The following SLC35F4 variants were observed in gnomAD, a reference collection of about 807,000 sequenced individuals.
The protein encoded by SLC35F4 is chromosome 14 open reading frame 36.
In SLC35F4, 24 loss-of-function variants were observed where a neutral mutation model predicts 44.2. The ratio of observed to expected loss-of-function variants is 0.54; its 90% CI spans 0.39 to 0.76. SLC35F4 has a LOEUF of 0.76. Among genes scored for constraint, SLC35F4 ranks in the 30% least tolerant of loss-of-function variants. The probability of loss-of-function intolerance (pLI) is 0.00; values close to 1 mark genes in which losing one functional copy is unlikely to be tolerated. For synonymous variants in SLC35F4, 238 were observed against 223.6 expected, an observed-to-expected ratio of 1.06 and a Z score of -0.57; for missense variants, 562 against 586.1, an observed-to-expected ratio of 0.96 and a Z score of 0.42.
At position 57,807,689 on chromosome 14, in the gene SLC35F4, A is replaced by T. The variant is rs904549968; in HGVS notation, c.103+58034T>A. On this transcript the variant is annotated intron_variant, in intron 1 of 7. Coordinates refer to ENST00000556826, the MANE Select transcript of SLC35F4 (RefSeq NM_001306087.2). ...CCACACTTGAAAAATTTGCTTACCA[A>T]CATCACAATTTCTGGCCATATCACT... is the stretch of plus-strand genomic sequence containing the variant. Among the ~76,000 whole-genome samples, 5 of 151,888 alleles carry T rather than the reference A, an allele frequency of 3.3e-5. 1 individual carries two copies. The highest frequency in any genetic ancestry group is 1.2e-4 in the African/African-American group (5 of 41,176).
At chr14:57,982,135 A>G (rs1881400347), upstream of SLC35F4, 1 of 152,118 alleles carries the variant, frequency 6.6e-6, no homozygotes, top group Non-Finnish European at 1.5e-5. Flanking sequence ...ACACGGTCAA[A>G]AGTGGCGCTT....
intron 1 of SLC35F4, among the ~76,000 whole-genome samples, chr14:57,695,963 C>T (rs1342300059): frequency 6.6e-6 from 1 of 151,990 alleles, no homozygotes; most frequent in Non-Finnish European, 1.5e-5. Flanking sequence ...AAATGTAAAA[C>T]CTAAAGCCAG....
At chr14:57,615,479 C>T (rs907632932) in intron 1 of SLC35F4, among the ~76,000 whole-genome samples, 6 of 151,392 alleles carry the variant, frequency 4.0e-5, no homozygotes, top group Admixed American at 2.6e-4. Context: ...TGGCTTTTGC[C>T]AAAGGACATA....
chr14:57,896,763 G>T (rs1460368106), intron 1 of SLC35F4, among the ~76,000 whole-genome samples: 1 of 152,146 alleles, frequency 6.6e-6, no homozygotes, highest in East Asian at 1.9e-4. Flanking sequence ...ACAGTGCCAG[G>T]AATATAGTAA....
At chr14:57,914,251 C>G (rs1459407208) in intron 1 of SLC35F4, among the ~76,000 whole-genome samples, 2 of 152,080 alleles carry the variant, frequency 1.3e-5, no homozygotes, top group Non-Finnish European at 1.5e-5. Context: ...GAAAAGGGGG[C>G]CAAACTTGCT....
intron 6 of SLC35F4, among the ~76,000 whole-genome samples, chr14:57,569,540 T>TG (rs2068378011): frequency 6.6e-6 from 1 of 152,318 alleles, no homozygotes; most frequent in Admixed American, 6.5e-5. Flanking sequence ...TGAAGGCCAG[T>TG]GGTATACAGA....
At chr14:57,619,763 C>T (rs560785536) in intron 1 of SLC35F4, among the ~76,000 whole-genome samples, 2 of 152,194 alleles carry the variant, frequency 1.3e-5, no homozygotes, top group East Asian at 3.9e-4. Flanking sequence ...GGAGCATGTT[C>T]TAATGAAATG....
At chr14:57,722,154 C>T (rs1284961698) in intron 1 of SLC35F4, among the ~76,000 whole-genome samples, 3 of 152,150 alleles carry the variant, frequency 2.0e-5, no homozygotes, top group South Asian at 2.1e-4. Flanking sequence ...GGAAGGAACA[C>T]AGAGTTGGAT....
At chr14:57,795,764 A>C (rs2078039183) in intron 1 of SLC35F4, among the ~76,000 whole-genome samples, 1 of 152,198 alleles carries the variant, frequency 6.6e-6, no homozygotes. Flanking sequence ...CGAATAATTT[A>C]AAAATTAATA....
chr14:57,795,125 G>A (rs2078023932), intron 1 of SLC35F4, among the ~76,000 whole-genome samples: 1 of 152,076 alleles, frequency 6.6e-6, no homozygotes, highest in Non-Finnish European at 1.5e-5. Context: ...CAGATGTTGG[G>A]ACTTTGCATA....
chr14:57,797,827 A>G (rs890975093), intron 1 of SLC35F4, among the ~76,000 whole-genome samples: 2 of 152,168 alleles, frequency 1.3e-5, no homozygotes, highest in African/African-American at 4.8e-5. Context: ...ATATATCTTG[A>G]CAGTATGGGG....
chr14:57,923,107 A>T (rs10132444), intron 1 of SLC35F4, among the ~76,000 whole-genome samples: 5,268 of 152,270 alleles, frequency 0.035, 327 homozygotes, highest in African/African-American at 0.12. Flanking sequence ...CTTGGCCAAG[A>T]TGATGCATCT....
At chr14:57,861,902 T>G (rs900219975) in intron 1 of SLC35F4, among the ~76,000 whole-genome samples, 4 of 152,164 alleles carry the variant, frequency 2.6e-5, no homozygotes, top group African/African-American at 9.7e-5. Context: ...TCTATATGCA[T>G]TCATTCCTTG....
rs967367314 is a variant in SLC35F4, at chr14:57,899,186, C to T, written n.282+82727G>A. Among the ~76,000 whole-genome samples the T allele has an allele frequency of 2.6e-5, 4 of 152,308 alleles. No individual in the cohort carries two copies. The South Asian group carries it at 8.3e-4, about 32-fold the overall frequency. ...CTAGTTATCCTTTTCTCACTGTCTA[C>T]CTGCCATTGCCACGTATTACACGAA... On this transcript the variant is annotated intron_variant and non_coding_transcript_variant, in intron 1 of 1. Transcript: ENST00000556568.
At chr14:57,615,921 C>T (rs1354328650) in intron 1 of SLC35F4, among the ~76,000 whole-genome samples, 3 of 152,170 alleles carry the variant, frequency 2.0e-5, no homozygotes, top group African/African-American at 7.2e-5. Flanking sequence ...GCTGGTTTAA[C>T]TACTACTAAC....
At chr14:57,873,417 T>C (rs1344772472) in intron 1 of SLC35F4, among the ~76,000 whole-genome samples, 2 of 152,132 alleles carry the variant, frequency 1.3e-5, no homozygotes, top group Non-Finnish European at 2.9e-5. Flanking sequence ...AACTCAAATG[T>C]CCCAAAAATA....
In SLC35F4 at chr14:57,638,644, G is replaced by A. The variant is rs548011206; in HGVS notation, c.104-44520C>T. ...TTTATAATTGTGTGATTTTTCAGTC[G>A]ACATGTGTTTTATAGAACCAAATGG... On this transcript the variant is annotated intron_variant, in intron 1 of 7. Transcript: ENST00000556826. Among the ~76,000 whole-genome samples, 30 of 152,104 alleles carry A rather than the reference G, an allele frequency of 2.0e-4. 1 individual carries two copies. Among genetic ancestry groups the A allele is most frequent in the African/African-American group, 6.0e-4 (25 of 41,486 alleles).
At chr14:57,915,984 C>G (rs1443347789) in intron 1 of SLC35F4, among the ~76,000 whole-genome samples, 1 of 152,194 alleles carries the variant, frequency 6.6e-6, no homozygotes, top group Non-Finnish European at 1.5e-5. Context: ...AACAACCCTG[C>G]TTCTTGTTAT....
chr14:57,631,408 T>C (rs1254737514), intron 1 of SLC35F4, among the ~76,000 whole-genome samples: 1 of 152,144 alleles, frequency 6.6e-6, no homozygotes, highest in Non-Finnish European at 1.5e-5. Context: ...ATAGTTATTA[T>C]AAAGTTTAAG....
Sources: gnomAD v4.1 joint callset for allele counts (sites outside exome capture counted in the v4.1 genomes callset) on GRCh38, gnomAD v4.1.1 for gene constraint, MANE v1.5 for transcripts, NCBI Gene and HGNC (gene_info 2026-07-23, HGNC 2026-07-21) for gene names.